The following STIM1 variants were observed in gnomAD, a reference collection of about 807,000 sequenced individuals.
STIM1 encodes the protein stromal interaction molecule 1.
A neutral mutation model predicts 74.7 loss-of-function variants in STIM1; 25 were observed. That is an observed-to-expected ratio of 0.33 (90% CI 0.24 to 0.47). STIM1 has a LOEUF of 0.47. Ranked by LOEUF, STIM1 falls within the 20% of genes least tolerant of loss-of-function variation. The pLI, the probability that STIM1 is intolerant of heterozygous loss-of-function variation, is 1.00. For missense variants in STIM1, 728 were observed against 920.8 expected (o/e 0.79, Z 2.71); for synonymous variants, 328 against 348.8 (o/e 0.94, Z 0.66).
Position 3,884,396 on chromosome 11 carries a change from G to T in STIM1, c.139+27987G>T, listed in dbSNP as rs544319630. Among the ~76,000 whole-genome samples the T allele has an allele frequency of 7.2e-5, 11 of 152,294 alleles. No individual in the cohort carries two copies. In the South Asian group the frequency reaches 2.3e-3, roughly 32 times the overall value. ...AGTTGAGAGGATGAGTGAGCAGTGT[G>T]GGAGCCAGCCAGATGTTTCCAGCAC... On this transcript the variant is annotated intron_variant, in intron 1 of 12. Coordinates refer to ENST00000526596, the MANE Select transcript of STIM1 (RefSeq NM_001382567.1).
At chr11:4,070,603 C>T (rs10500592) in intron 6 of STIM1, among the ~76,000 whole-genome samples, 5,720 of 152,252 alleles carry the variant, frequency 0.038, 253 homozygotes, top group East Asian at 0.19. Context: ...TTCTTACTGT[C>T]CTTAGTTCTT....
rs575919553 is a variant in STIM1 at position 3,946,991 on chromosome 11, C to A, written c.140-20561C>A. Reference sequence around the variant, plus strand: ...TCTGTATTTGAGTTTGGACAAATCACTTCTCTTTTGGGGGGGTCTTAGTTT... The same window carrying A: ...TCTGTATTTGAGTTTGGACAAATCAATTCTCTTTTGGGGGGGTCTTAGTTT... On this transcript the variant is annotated intron_variant, in intron 1 of 12. Transcript: ENST00000526596. Among the ~76,000 whole-genome samples the A allele has an allele frequency of 3.3e-5, 5 of 152,104 alleles. No homozygotes were observed. The East Asian group carries it at 7.7e-4, about 23-fold the overall frequency.
intron 1 of STIM1, among the ~76,000 whole-genome samples, chr11:3,928,227 A>AT (rs373423422): frequency 0.018 from 2,475 of 140,608 alleles, 57 homozygotes; most frequent in African/African-American, 0.055. Flanking sequence ...GTAACAGTCC[A>AT]TTTTTTTTTT....
intron 7 of STIM1, among the ~76,000 whole-genome samples, chr11:4,074,921 C>T (rs2133188264): frequency 6.6e-6 from 1 of 152,156 alleles, no homozygotes; most frequent in Non-Finnish European, 1.5e-5. Flanking sequence ...GGTGGATCAC[C>T]TGAGGTTAGG....
intron 1 of STIM1, among the ~76,000 whole-genome samples, chr11:3,926,461 G>A (rs2092789913): frequency 6.6e-6 from 1 of 152,206 alleles, no homozygotes. Context: ...TCACTGGAAA[G>A]TCTTATGCAT....
intron 7 of STIM1, 60 bp downstream of exon 7, chr11:4,074,739 G>A: frequency 6.5e-7 from 1 of 1,530,456 alleles, no homozygotes; most frequent in Non-Finnish European, 8.9e-7. Flanking sequence ...AGGGGCCCAG[G>A]GTCTGGCTAG....
intron 1 of STIM1, among the ~76,000 whole-genome samples, chr11:3,955,519 G>C (rs143270358): frequency 6.6e-6 from 1 of 152,188 alleles, no homozygotes; most frequent in East Asian, 1.9e-4. Context: ...GAAGGGTGGA[G>C]CCTTCCTGGA....
At chr11:4,014,273 G>T (rs1052119441) in intron 2 of STIM1, among the ~76,000 whole-genome samples, 4 of 152,170 alleles carry the variant, frequency 2.6e-5, no homozygotes, top group Non-Finnish European at 5.9e-5. Flanking sequence ...TGGTTTCAAA[G>T]AACATCTTTA....
At chr11:3,936,566 A>G (rs2092933842) in intron 1 of STIM1, among the ~76,000 whole-genome samples, 1 of 152,212 alleles carries the variant, frequency 6.6e-6, no homozygotes, top group African/African-American at 2.4e-5. Flanking sequence ...CCAGTATGAT[A>G]TAGTATCTGA....
At chr11:4,013,041 A>G (rs2093854961) in intron 2 of STIM1, among the ~76,000 whole-genome samples, 1 of 152,218 alleles carries the variant, frequency 6.6e-6, no homozygotes, top group African/African-American at 2.4e-5. Context: ...TGATCTGCAT[A>G]TGTTGAACCA....
At position 4,001,813 on chromosome 11, in the gene STIM1, C is replaced by G. The variant is rs543166348; in HGVS notation, c.271-22060C>G. On this transcript the variant is annotated intron_variant, in intron 2 of 12. Coordinates refer to ENST00000526596, the MANE Select transcript of STIM1 (RefSeq NM_001382567.1). ...TGGCAAATTGGATAAAGAGTCAAGA[C>G]CCATCCGTGTGCTGTATTCAGGAAA... Among the ~76,000 whole-genome samples the G allele has an allele frequency of 7.5e-5, 11 of 146,956 alleles. No individual in the cohort carries two copies. In the South Asian group the frequency reaches 9.1e-4, roughly 12 times the overall value.
At chr11:4,027,123 G>A (rs1452066064) in intron 3 of STIM1, among the ~76,000 whole-genome samples, 3 of 151,868 alleles carry the variant, frequency 2.0e-5, no homozygotes, top group East Asian at 3.9e-4. Context: ...CCTATCACTG[G>A]GAATATTCCA....
At chr11:4,080,610 G>A (rs2094460581) in intron 7 of STIM1, among the ~76,000 whole-genome samples, 1 of 151,932 alleles carries the variant, frequency 6.6e-6, no homozygotes, top group African/African-American at 2.4e-5. Context: ...GGGACCACAG[G>A]TGCACACCAT....
chr11:4,080,980 C>T (rs1039613550), intron 7 of STIM1, among the ~76,000 whole-genome samples: 1 of 151,560 alleles, frequency 6.6e-6, no homozygotes, highest in Non-Finnish European at 1.5e-5. Flanking sequence ...AGCTATAAAA[C>T]CAGGAATGGG....
At chr11:3,875,091 G>A (rs529113010) in intron 1 of STIM1, among the ~76,000 whole-genome samples, 1 of 152,092 alleles carries the variant, frequency 6.6e-6, no homozygotes, top group South Asian at 2.1e-4. Flanking sequence ...GGAGTGATAT[G>A]ACAAACCCTC....
Position 4,092,268 on chromosome 11 carries a change from A to C in STIM1, c.*470A>C, listed in dbSNP as rs2094529138. On this transcript the variant is annotated 3_prime_UTR_variant, in exon 13 of 13. Coordinates refer to ENST00000526596, the MANE Select transcript of STIM1 (RefSeq NM_001382567.1). Reference sequence around the variant, plus strand: ...GCCTCAGATCTGTTCCACCCCACTCACAGTGGTTCTGTTTGCTCCAGACTG... The same window carrying C: ...GCCTCAGATCTGTTCCACCCCACTCCCAGTGGTTCTGTTTGCTCCAGACTG... The C allele has an allele frequency of 8.9e-6, 2 of 224,938 alleles. No homozygotes were observed. The highest frequency in any genetic ancestry group is 1.0e-4 in the Admixed American group (2 of 19,654). 13.9% of individuals were successfully genotyped at this position (224,938 alleles called of 1,614,324 possible). A position where few individuals can be genotyped will look rare whatever the true frequency, so the allele number is the denominator to read the frequency against.
At position 3,856,375 on chromosome 11, in the gene STIM1, C is replaced by T. The variant is rs139540641; in HGVS notation, c.105C>T (p.Ser35=). 328 of 1,614,062 alleles carry T rather than the reference C, an allele frequency of 2.0e-4. No individual in the cohort carries two copies. The highest frequency in any genetic ancestry group is 2.7e-4 in the Non-Finnish European group (313 of 1,180,050). The part of the protein sequence containing the change: ...HSHSEKATGT[S]SGANSEESTA... Reference sequence around the variant, plus strand: ...ACAGTGAGAAGGCGACAGGAACCAGCTCGGGGGCCAACTCTGAGGAGTCCA... The same window carrying T: ...ACAGTGAGAAGGCGACAGGAACCAGTTCGGGGGCCAACTCTGAGGAGTCCA... The change falls in exon 1 of 13, where the codon AGC becomes AGT. Residue 35 remains serine, a synonymous_variant. Coordinates refer to ENST00000526596, the MANE Select transcript of STIM1 (RefSeq NM_001382567.1).
At chr11:4,043,322 G>GTA (rs915730994) in intron 3 of STIM1, among the ~76,000 whole-genome samples, 4 of 152,130 alleles carry the variant, frequency 2.6e-5, no homozygotes, top group Non-Finnish European at 4.4e-5. Flanking sequence ...GGAGACCAGG[G>GTA]TATATCTTTA....
intron 1 of STIM1, among the ~76,000 whole-genome samples, chr11:3,871,608 G>A (rs2091099616): frequency 6.6e-6 from 1 of 152,148 alleles, no homozygotes; most frequent in Non-Finnish European, 1.5e-5. Flanking sequence ...TTACTATTTT[G>A]TAGCTTCTGT....
Sources: gnomAD v4.1 joint callset for allele counts (sites outside exome capture counted in the v4.1 genomes callset) on GRCh38, gnomAD v4.1.1 for gene constraint, MANE v1.5 for transcripts, NCBI Gene and HGNC (gene_info 2026-07-23, HGNC 2026-07-21) for gene names.